EYS: variants seen among roughly 807,000 people sequenced by gnomAD.
The protein encoded by EYS is protein eyes shut homolog.
EYS carries 250 observed loss-of-function variants against 282.1 expected under a neutral mutation model. That is an observed-to-expected ratio of 0.89 (90% CI 0.80 to 0.98). The LOEUF is 0.98. Ranked by LOEUF, EYS falls within the 50% of genes least tolerant of loss-of-function variation. The pLI, the probability that EYS is intolerant of heterozygous loss-of-function variation, is 0.00. For missense variants in EYS, 4,016 were observed against 3,709.0 expected (o/e 1.08, Z -2.15); for synonymous variants, 1,355 against 1,282.9 (o/e 1.06, Z -1.20).
intron 8 of EYS, among the ~76,000 whole-genome samples, chr6:65,371,624 T>C (rs930483430): frequency 6.6e-6 from 1 of 151,728 alleles, no homozygotes; most frequent in Non-Finnish European, 1.5e-5. Flanking sequence ...TATGATAATA[T>C]TGAGCCTCTG....
At chr6:64,809,475 G>C (rs957618500) in intron 22 of EYS, among the ~76,000 whole-genome samples, 1 of 151,744 alleles carries the variant, frequency 6.6e-6, no homozygotes, top group African/African-American at 2.4e-5. Context: ...ATGTGAGAAG[G>C]AACAAAAATA....
At chr6:65,118,671 A>G (rs1428259713) in intron 12 of EYS, among the ~76,000 whole-genome samples, 1 of 152,188 alleles carries the variant, frequency 6.6e-6, no homozygotes, top group Non-Finnish European at 1.5e-5. Context: ...GTTATGCTAC[A>G]TTTAGTAGTT....
At chr6:65,429,397 A>T (rs1319264552) in intron 5 of EYS, among the ~76,000 whole-genome samples, 1 of 152,182 alleles carries the variant, frequency 6.6e-6, no homozygotes, top group African/African-American at 2.4e-5. Context: ...AAAACAAAAC[A>T]GTGAGGCAGA....
chr6:64,920,430 G>T (rs1215293833), intron 15 of EYS, among the ~76,000 whole-genome samples: 2 of 151,862 alleles, frequency 1.3e-5, no homozygotes, highest in Non-Finnish European at 2.9e-5. Flanking sequence ...TTTCCTTAAT[G>T]GTGTGTGTGT....
At chr6:64,275,794 AAAAAT>A (rs1292348176) in intron 30 of EYS, among the ~76,000 whole-genome samples, 4 of 71,124 alleles carry the variant, frequency 5.6e-5, no homozygotes, top group Admixed American at 2.6e-4. Flanking sequence ...TGTCTACTAA[AAAAAT>A]AAAATAAAAT....
intron 31 of EYS, among the ~76,000 whole-genome samples, chr6:64,103,046 A>G (rs1170836955): frequency 2.0e-5 from 3 of 152,154 alleles, no homozygotes; most frequent in Non-Finnish European, 2.9e-5. Context: ...GGAATATGAT[A>G]GGTAGAGAAA....
chr6:64,579,682 A>G lies in EYS; in HGVS notation c.5644+10541T>C, dbSNP rs181255625. Among the ~76,000 whole-genome samples the G allele has an allele frequency of 3.3e-4, 50 of 152,164 alleles. 2 individuals carry two copies. In the East Asian group the frequency reaches 9.3e-3, roughly 28 times the overall value. On this transcript the variant is annotated intron_variant, in intron 26 of 42. Transcript: ENST00000503581. ...TATTGGCTTAGGTCCTCTGCTTAGA[A>G]CATGAAAATGCCCATTCTCATTCAT...
chr6:65,357,644 T>G (rs777523406), intron 8 of EYS, among the ~76,000 whole-genome samples: 5 of 152,012 alleles, frequency 3.3e-5, no homozygotes, highest in Non-Finnish European at 7.4e-5. Flanking sequence ...GACAATACTT[T>G]GGTAATACTA....
intron 12 of EYS, among the ~76,000 whole-genome samples, chr6:65,265,487 G>A (rs1767729490): frequency 6.6e-6 from 1 of 151,832 alleles, no homozygotes. Flanking sequence ...GACTGGACCT[G>A]GAACATGTGA....
At chr6:65,018,266 C>T (rs1772120122) in intron 13 of EYS, among the ~76,000 whole-genome samples, 1 of 152,146 alleles carries the variant, frequency 6.6e-6, no homozygotes, top group Non-Finnish European at 1.5e-5. Context: ...TGATCAAGGT[C>T]TTGGCAGGGT....
At chr6:64,692,931 G>T (rs927655437) in intron 22 of EYS, among the ~76,000 whole-genome samples, 19 of 84,828 alleles carry the variant, frequency 2.2e-4, no homozygotes, top group African/African-American at 8.0e-4. Flanking sequence ...GTATGATGAT[G>T]CCTCTGGCTT....
rs150170084 is a variant in EYS, at chr6:65,063,692, C to T, written c.2024-5965G>A. Among the ~76,000 whole-genome samples the T allele has an allele frequency of 3.0e-3, 454 of 152,144 alleles. 1 individual carries two copies. Among genetic ancestry groups the T allele is most frequent in the African/African-American group, 0.01 (436 of 41,532 alleles). ...TTCTCTTCCATGCTTAGTTTTCATT[C>T]AGAGTAACTTTGCCTTAAAACTCTT... On this transcript the variant is annotated intron_variant, in intron 12 of 42. Transcript: ENST00000503581.
At chr6:63,773,291 TTAAAGG>T (rs1331302064) in intron 40 of EYS, among the ~76,000 whole-genome samples, 1 of 151,736 alleles carries the variant, frequency 6.6e-6, no homozygotes. Flanking sequence ...AAAGACAGAG[TTAAAGG>T]TAATTCCAAG....
chr6:64,393,621 G>C (rs892164808), intron 28 of EYS, among the ~76,000 whole-genome samples: 12 of 152,076 alleles, frequency 7.9e-5, no homozygotes, highest in Non-Finnish European at 1.5e-4. Flanking sequence ...AGGTATTGAT[G>C]GGTCGTATTT....
At chr6:65,060,542 T>C (rs1583445528) in intron 12 of EYS, among the ~76,000 whole-genome samples, 1 of 151,956 alleles carries the variant, frequency 6.6e-6, no homozygotes, top group East Asian at 1.9e-4. Context: ...TCTCTTATCC[T>C]TCCCTGTTTC....
intron 29 of EYS, among the ~76,000 whole-genome samples, chr6:64,331,133 A>G (rs1770632480): frequency 6.6e-6 from 1 of 152,178 alleles, no homozygotes; most frequent in Admixed American, 6.5e-5. Flanking sequence ...CTGAGCTAAT[A>G]GCTCTCACTA....
At chr6:64,471,619 T>C (rs1016635836) in intron 26 of EYS, among the ~76,000 whole-genome samples, 1 of 152,136 alleles carries the variant, frequency 6.6e-6, no homozygotes, top group African/African-American at 2.4e-5. Context: ...TCAATGCTCA[T>C]GGATCAGAAG....
In EYS at chr6:63,876,915, T is replaced by C. The variant is rs200307269; in HGVS notation, c.7056-12557A>G. Among the ~76,000 whole-genome samples the C allele has an allele frequency of 1.6e-4, 24 of 152,364 alleles. No homozygotes were observed. In the East Asian group the frequency reaches 3.7e-3, roughly 23 times the overall value. On this transcript the variant is annotated intron_variant, in intron 35 of 42. Transcript: ENST00000503581. Reference sequence around the variant, plus strand: ...ACAGCACACTGGTGGGTCTTGACTCTTTATCCAATTTGCTAGTCTGTGTCT... The same window carrying C: ...ACAGCACACTGGTGGGTCTTGACTCCTTATCCAATTTGCTAGTCTGTGTCT...
intron 31 of EYS, among the ~76,000 whole-genome samples, chr6:64,099,644 G>A (rs6900114): frequency 0.25 from 37,454 of 151,934 alleles, 4,914 homozygotes; most frequent in East Asian, 0.42. Context: ...TAAAATATAT[G>A]AGTACTTAAG....
Sources: allele counts gnomAD v4.1 joint callset (sites outside exome capture counted in the v4.1 genomes callset), GRCh38; gene constraint gnomAD v4.1.1; transcripts MANE v1.5; gene names NCBI Gene and HGNC (gene_info 2026-07-23, HGNC 2026-07-21).